The following ZNF366 variants were observed in gnomAD, a reference collection of about 807,000 sequenced individuals.
ZNF366 encodes the protein zinc finger protein 366, also known as dendritic cell-specific transcript protein.
In ZNF366, 20 loss-of-function variants were observed where a neutral mutation model predicts 47.2. The observed-to-expected ratio is 0.42, with a 90% confidence interval of 0.30 to 0.62. The LOEUF is 0.62. Ranked by LOEUF, ZNF366 falls within the 20% of genes least tolerant of loss-of-function variation. The pLI is 0.16. For missense variants in ZNF366, 987 were observed against 976.3 expected, an observed-to-expected ratio of 1.01 and a Z score of -0.15; for synonymous variants, 421 against 395.1, an observed-to-expected ratio of 1.07 and a Z score of -0.78.
chr5:72,456,954 C>G (rs1262267626), intron 2 of ZNF366, among the ~76,000 whole-genome samples: 1 of 151,984 alleles, frequency 6.6e-6, no homozygotes, highest in Non-Finnish European at 1.5e-5. Context: ...AGTCCATAAT[C>G]CAGCTTTCAT....
chr5:72,505,615 A>G (rs1744305861), intron 1 of ZNF366, among the ~76,000 whole-genome samples: 1 of 152,230 alleles, frequency 6.6e-6, no homozygotes, highest in South Asian at 2.1e-4. Context: ...AAACAAAACT[A>G]GAATGTGTTC....
At chr5:72,505,304 C>T (rs868379046) in intron 1 of ZNF366, among the ~76,000 whole-genome samples, 3 of 152,294 alleles carry the variant, frequency 2.0e-5, no homozygotes, top group South Asian at 4.1e-4. Flanking sequence ...TAGTCGATGG[C>T]TTTTATTCTT....
intron 3 of ZNF366, among the ~76,000 whole-genome samples, chr5:72,453,340 A>G (rs964773777): frequency 7.2e-5 from 11 of 152,354 alleles, no homozygotes; most frequent in African/African-American, 2.6e-4. Flanking sequence ...ACAAGACATG[A>G]AGTGGATGGC....
chr5:72,459,048 C>G (rs1743248619), intron 2 of ZNF366, among the ~76,000 whole-genome samples: 1 of 152,188 alleles, frequency 6.6e-6, no homozygotes, highest in Non-Finnish European at 1.5e-5. Flanking sequence ...GCAGGCGACT[C>G]CCCTCTGGAT....
intron 1 of ZNF366, among the ~76,000 whole-genome samples, chr5:72,499,035 C>T (rs1413753393): frequency 6.6e-6 from 1 of 152,200 alleles, no homozygotes. Flanking sequence ...TGTGTCTGAA[C>T]ATATGGAGGA....
At position 72,443,246 on chromosome 5, in the gene ZNF366, G is replaced by C. The variant is rs1742892162; in HGVS notation, c.*510C>G. The C allele has an allele frequency of 2.0e-5, 3 of 152,812 alleles. No homozygotes were observed. Among genetic ancestry groups the C allele is most frequent in the Admixed American group, 1.9e-4 (3 of 15,402 alleles). 9.5% of individuals were successfully genotyped at this position (152,812 alleles called of 1,614,324 possible). On this transcript the variant is annotated 3_prime_UTR_variant, in exon 5 of 5. Coordinates refer to ENST00000318442, the MANE Select transcript of ZNF366 (RefSeq NM_152625.3). ...CTACTGGAGAGCATTCTCTTCAATA[G>C]CTCATCCTCCTGTGCCATTTCTGAC...
chr5:72,461,507 T>C lies in ZNF366; in HGVS notation c.-11A>G. On this transcript the variant is annotated 5_prime_UTR_variant, in exon 2 of 5. Coordinates refer to ENST00000318442, the MANE Select transcript of ZNF366 (RefSeq NM_152625.3). ...CATTTCCTTCTGCATCCTTGGCAAT[T>C]TTCCTTTAAAGAGAAAGAAACTTGT... The C allele has an allele frequency of 6.5e-7, 1 of 1,529,446 alleles. No homozygotes were observed. The highest frequency in any genetic ancestry group is 8.8e-7 in the Non-Finnish European group (1 of 1,140,876). 94.7% of individuals were successfully genotyped at this position (1,529,446 alleles called of 1,614,324 possible).
At chr5:72,487,255 A>G (rs1743909363) in intron 1 of ZNF366, among the ~76,000 whole-genome samples, 1 of 152,202 alleles carries the variant, frequency 6.6e-6, no homozygotes, top group East Asian at 1.9e-4. Flanking sequence ...GTCTTCAAAG[A>G]GTTTTGCAAC....
intron 3 of ZNF366, among the ~76,000 whole-genome samples, chr5:72,452,596 G>A (rs1743096996): frequency 6.6e-6 from 1 of 152,218 alleles, no homozygotes; most frequent in Non-Finnish European, 1.5e-5. Context: ...GAGCCAGTTT[G>A]ACAACAGTGG....
At chr5:72,492,290 T>TA (rs1364466354) in intron 1 of ZNF366, among the ~76,000 whole-genome samples, 4 of 152,188 alleles carry the variant, frequency 2.6e-5, no homozygotes, top group African/African-American at 9.7e-5. Flanking sequence ...AAATGGGTCT[T>TA]ACTTTAGTGC....
rs149435211 is a variant in ZNF366, at chr5:72,485,605, T to C, written c.-15+21646A>G. On this transcript the variant is annotated intron_variant, in intron 1 of 4. Coordinates refer to ENST00000318442, the MANE Select transcript of ZNF366 (RefSeq NM_152625.3). ...TAACAGCCTCCTGACTCTTCTCCTG[T>C]CTTCTCCCTTGGGCTCCTGTCTGCT... is the stretch of plus-strand genomic sequence containing the variant. 5.3e-3 allele frequency among the ~76,000 whole-genome samples: 811 copies of C among 152,300 alleles called. 9 individuals carry two copies. Among genetic ancestry groups the C allele is most frequent in the African/African-American group, 0.018 (733 of 41,544 alleles).
At position 72,443,718 on chromosome 5, in the gene ZNF366, C is replaced by G. The variant is rs1362074352; in HGVS notation, c.*38G>C. 2 of 1,579,280 alleles carry G rather than the reference C, an allele frequency of 1.3e-6. No individual in the cohort carries two copies. The highest frequency in any genetic ancestry group is 1.7e-6 in the Non-Finnish European group (2 of 1,163,290). ...GCAGAAAGCTATATTTGAACTGCCT[C>G]CTTCTCATTTTCCAAATGTAATTTT... On this transcript the variant is annotated 3_prime_UTR_variant, in exon 5 of 5. Coordinates refer to ENST00000318442, the MANE Select transcript of ZNF366 (RefSeq NM_152625.3).
At chr5:72,483,616 G>T (rs1266292813) in intron 1 of ZNF366, among the ~76,000 whole-genome samples, 2 of 152,146 alleles carry the variant, frequency 1.3e-5, no homozygotes, top group African/African-American at 4.8e-5. Context: ...ATGCTCCCTG[G>T]ACACCTGTGT....
At chr5:72,500,992 C>T (rs1048083911) in intron 1 of ZNF366, among the ~76,000 whole-genome samples, 11 of 152,204 alleles carry the variant, frequency 7.2e-5, no homozygotes, top group Admixed American at 1.3e-4. Context: ...AAACAAGCAA[C>T]ATTAATTTAC....
chr5:72,463,614 G>A (rs1743375383), intron 1 of ZNF366, among the ~76,000 whole-genome samples: 1 of 152,218 alleles, frequency 6.6e-6, no homozygotes, highest in Non-Finnish European at 1.5e-5. Context: ...GCAATTGTAG[G>A]AAGTGACAAG....
At position 72,441,260 on chromosome 5, in the gene ZNF366, G is replaced by A. The variant is rs910829480; in HGVS notation, c.*2496C>T. 6.6e-5 allele frequency: 10 copies of A among 152,294 alleles called. No individual in the cohort carries two copies. The highest frequency in any genetic ancestry group is 2.1e-4 in the South Asian group (1 of 4,820). 9.4% of individuals were successfully genotyped at this position (152,294 alleles called of 1,614,324 possible). On this transcript the variant is annotated 3_prime_UTR_variant, in exon 5 of 5. Coordinates refer to ENST00000318442, the MANE Select transcript of ZNF366 (RefSeq NM_152625.3). ...CAGCCAGGCATACTCAGAACCAAACGGCATTCTACAGGACGTGTGGTCAAA... is the reference window on the plus strand; with the variant it reads ...CAGCCAGGCATACTCAGAACCAAACAGCATTCTACAGGACGTGTGGTCAAA...
chr5:72,481,222 C>A (rs1278368596), intron 1 of ZNF366, among the ~76,000 whole-genome samples: 1 of 151,974 alleles, frequency 6.6e-6, no homozygotes, highest in Non-Finnish European at 1.5e-5. Context: ...TGTGTTGGTA[C>A]CCGAATTAGA....
intron 1 of ZNF366, among the ~76,000 whole-genome samples, chr5:72,469,584 A>T (rs979196740): frequency 6.6e-6 from 1 of 152,150 alleles, no homozygotes; most frequent in African/African-American, 2.4e-5. Context: ...CAAAGGGGAG[A>T]TTTTAAATAT....
At chr5:72,502,082 G>A (rs1744221126) in intron 1 of ZNF366, among the ~76,000 whole-genome samples, 5 of 151,914 alleles carry the variant, frequency 3.3e-5, no homozygotes, top group Admixed American at 1.3e-4. Flanking sequence ...ATTGTATAAA[G>A]ATAGCATCTT....
Sources: allele counts gnomAD v4.1 joint callset (sites outside exome capture counted in the v4.1 genomes callset), GRCh38; gene constraint gnomAD v4.1.1; transcripts MANE v1.5; gene names NCBI Gene and HGNC (gene_info 2026-07-23, HGNC 2026-07-21).